Variants in TULP4 observed in about 807,000 individuals in gnomAD.
TULP4 encodes the protein TUB like protein 4, also known as tubby-related protein 4.
TULP4 carries 16 observed loss-of-function variants against 129.0 expected under a neutral mutation model. That is an observed-to-expected ratio of 0.12 (90% CI 0.08 to 0.19). TULP4 has a LOEUF of 0.19. TULP4 is among the 10% of genes least tolerant of loss of function. The pLI is 1.00. For missense variants in TULP4, 1,842 were observed against 2,059.1 expected (o/e 0.89, Z 2.04); for synonymous variants, 998 against 854.0 (o/e 1.17, Z -2.94).
chr6:158,484,248 AT>A (rs962755017), intron 8 of TULP4, among the ~76,000 whole-genome samples: 3 of 149,024 alleles, frequency 2.0e-5, no homozygotes. Flanking sequence ...ACCCCCACCC[AT>A]TGTTTTTTAA....
chr6:158,474,012 G>A (rs866559170), intron 6 of TULP4, among the ~76,000 whole-genome samples: 1 of 151,746 alleles, frequency 6.6e-6, no homozygotes, highest in African/African-American at 2.4e-5. Flanking sequence ...GTAGAGACAG[G>A]GTCTTGCTAT....
intron 7 of TULP4, 126 bp from the exon 8 acceptor site, chr6:158,480,929 C>A: frequency 2.6e-6 from 2 of 780,474 alleles, no homozygotes; most frequent in Non-Finnish European, 4.1e-6. Flanking sequence ...CTTCCCCAGG[C>A]CCCCAGCCTG....
rs760926230 is a variant in TULP4, at chr6:158,502,170, C to A, written c.2507C>A (p.Pro836Gln). ...VQVTKINPPP[P>Q]YPGTIPAAPT... ...GTGACGAAGATAAACCCTCCACCCCCGTACCCAGGAACCATCCCCGCTGCC... is the reference window on the plus strand; with the variant it reads ...GTGACGAAGATAAACCCTCCACCCCAGTACCCAGGAACCATCCCCGCTGCC... The change falls in exon 13 of 14, where the codon CCG becomes CAG. Residue 836 changes from proline to glutamine, a missense_variant. This residue lies in a region of TULP4 where 1,089 missense variants were observed against 987.1 expected (regional missense o/e 1.10). Coordinates refer to ENST00000367097, the MANE Select transcript of TULP4 (RefSeq NM_020245.5). The A allele has an allele frequency of 5.1e-6, 8 of 1,567,230 alleles. No homozygotes were observed. The highest frequency in any genetic ancestry group is 1.4e-5 in the African/African-American group (1 of 73,842).
intron 6 of TULP4, among the ~76,000 whole-genome samples, chr6:158,470,556 G>A (rs981988865): frequency 8.5e-5 from 13 of 152,348 alleles, no homozygotes; most frequent in Admixed American, 8.5e-4. Flanking sequence ...CAAGCCCTCT[G>A]TTTAAAGGTG....
rs551796457 is a variant in TULP4, at chr6:158,508,338, A to G, written c.*1644A>G. On this transcript the variant is annotated 3_prime_UTR_variant, in exon 14 of 14. Transcript: ENST00000367097. ...AAGATGCTACAGAAAAGTATTTTCAAATTTAAACGTTTTTTAATCCCCTGT... is the reference window on the plus strand; with the variant it reads ...AAGATGCTACAGAAAAGTATTTTCAGATTTAAACGTTTTTTAATCCCCTGT... 1 of 152,248 alleles carries G rather than the reference A, an allele frequency of 6.6e-6. No individual in the cohort carries two copies. Among genetic ancestry groups the G allele is most frequent in the African/African-American group, 2.4e-5 (1 of 41,514 alleles). 9.4% of individuals were successfully genotyped at this position (152,248 alleles called of 1,614,324 possible). A position where few individuals can be genotyped will look rare whatever the true frequency, so the allele number is the denominator to read the frequency against.
chr6:158,418,122 C>CTG (rs1562557719), intron 2 of TULP4, among the ~76,000 whole-genome samples: 2 of 138,828 alleles, frequency 1.4e-5, no homozygotes, highest in Middle Eastern at 3.3e-3. Flanking sequence ...TTTTTGGGAG[C>CTG]GGGGGAGACA....
chr6:158,319,006 A>G (rs1779560956), intron 1 of TULP4, among the ~76,000 whole-genome samples: 2 of 150,878 alleles, frequency 1.3e-5, no homozygotes, highest in South Asian at 4.2e-4. Context: ...TCAGCCTCCC[A>G]AAGTGCTGGG....
At chr6:158,261,497 T>C (rs1238573062) in intron 1 of TULP4, among the ~76,000 whole-genome samples, 2 of 152,200 alleles carry the variant, frequency 1.3e-5, no homozygotes, top group Non-Finnish European at 2.9e-5. Context: ...TCGGAACCTC[T>C]TGGGACCTGG....
At chr6:158,241,935 C>G (rs924918178) in intron 1 of TULP4, 3 of 841,216 alleles carry the variant, frequency 3.6e-6, no homozygotes, top group Non-Finnish European at 6.3e-6. Flanking sequence ...TCTTGGAAAG[C>G]TTAAACTCTA....
intron 1 of TULP4, among the ~76,000 whole-genome samples, chr6:158,390,245 A>T (rs1777554179): frequency 6.6e-6 from 1 of 152,184 alleles, no homozygotes; most frequent in Non-Finnish European, 1.5e-5. Context: ...CAGAAAACAC[A>T]ATTATGTACA....
chr6:158,463,238 T>C (rs572506236), intron 6 of TULP4, among the ~76,000 whole-genome samples: 356 of 152,332 alleles, frequency 2.3e-3, no homozygotes, highest in Non-Finnish European at 3.6e-3. Context: ...ACCTTTACAT[T>C]TTAACTAAAT....
chr6:158,289,642 G>A (rs945315386), intron 1 of TULP4, among the ~76,000 whole-genome samples: 3 of 152,134 alleles, frequency 2.0e-5, no homozygotes, highest in Admixed American at 2.0e-4. Flanking sequence ...GTACGGTGGT[G>A]CAATCATGGC....
At chr6:158,505,786 T>G (rs1369270098) in intron 13 of TULP4, among the ~76,000 whole-genome samples, 1 of 152,220 alleles carries the variant, frequency 6.6e-6, no homozygotes, top group Non-Finnish European at 1.5e-5. Flanking sequence ...TTGTGTTTCT[T>G]TCTGCTTTTC....
chr6:158,452,333 G>A (rs889826978), intron 5 of TULP4, 65 bp downstream of exon 5: 60 of 1,586,404 alleles, frequency 3.8e-5, no homozygotes, highest in Non-Finnish European at 5.1e-5. Context: ...CTCAAGGCCG[G>A]TCTTGTACAC....
chr6:158,284,495 A>G lies in TULP4; in HGVS notation n.116+2117A>G, dbSNP rs1466492857. Among the ~76,000 whole-genome samples, 5 of 152,026 alleles carry G rather than the reference A, an allele frequency of 3.3e-5. No individual in the cohort carries two copies. The East Asian group carries it at 5.8e-4, about 18-fold the overall frequency. On this transcript the variant is annotated intron_variant and non_coding_transcript_variant, in intron 1 of 1. Coordinates refer to the TULP4 transcript ENST00000432358. ...TGACGATAGAAACATTGCTAGACAT[A>G]TAAGGAAATGAGCCGCCGTGAATGA...
chr6:158,491,658 A>AT (rs1188200398), intron 9 of TULP4, among the ~76,000 whole-genome samples: 1 of 150,252 alleles, frequency 6.7e-6, no homozygotes, highest in African/African-American at 2.5e-5. Flanking sequence ...TGACCGGCTA[A>AT]TTTTTTGTAT....
Position 158,461,736 on chromosome 6 carries a change from A to G in TULP4, c.1026+7A>G, listed in dbSNP as rs770303969. ...ACTGGACACTCTCGTGCAGGTAAGGATGTTCTCTGGAAACAAGTACATTTT... is the reference window on the plus strand; with the variant it reads ...ACTGGACACTCTCGTGCAGGTAAGGGTGTTCTCTGGAAACAAGTACATTTT... On this transcript the variant is annotated splice_region_variant and intron_variant, in intron 6 of 13. Transcript: ENST00000367097. 2 of 1,611,982 alleles carry G rather than the reference A, an allele frequency of 1.2e-6. No individual in the cohort carries two copies. The highest frequency in any genetic ancestry group is 2.7e-5 in the African/African-American group (2 of 74,842).
chr6:158,400,369 GT>G, intron 1 of TULP4, among the ~76,000 whole-genome samples: 1 of 152,276 alleles, frequency 6.6e-6, no homozygotes, highest in Middle Eastern at 3.4e-3. Context: ...AAAAGAAATT[GT>G]GAAAGCATGA....
chr6:158,486,433 G>A (rs183997786), intron 8 of TULP4, among the ~76,000 whole-genome samples: 2 of 152,090 alleles, frequency 1.3e-5, no homozygotes, highest in Admixed American at 6.6e-5. Context: ...GGTGCATGTA[G>A]TCCCAGCTAC....
Sources: gnomAD v4.1 joint callset for allele counts (sites outside exome capture counted in the v4.1 genomes callset) on GRCh38, gnomAD v4.1.1 for gene constraint, gnomAD v4.1.1 regional missense constraint, MANE v1.5 for transcripts, NCBI Gene and HGNC (gene_info 2026-07-23, HGNC 2026-07-21) for gene names.